XKR9: variants seen among roughly 807,000 people sequenced by gnomAD.
XKR9 encodes XK related 9.
XKR9 carries 32 observed loss-of-function variants against 32.0 expected under a neutral mutation model. The ratio of observed to expected loss-of-function variants is 1.00; its 90% CI spans 0.76 to 1.34. The LOEUF is 1.34. XKR9 is among the 40% of genes most tolerant of loss of function. XKR9 has a pLI of 0.00. For missense variants in XKR9, 546 were observed against 429.7 expected (o/e 1.27, Z -2.39); for synonymous variants, 168 against 143.4 (o/e 1.17, Z -1.22).
the XKR9 span, among the ~76,000 whole-genome samples, chr8:70,990,804 A>T: frequency 6.6e-6 from 1 of 151,990 alleles, no homozygotes; most frequent in Admixed American, 6.6e-5. Flanking sequence ...TGTGTATTTC[A>T]TGCATCCATC....
chr8:70,777,802 G>GT (rs541714804), intron 2 of XKR9, among the ~76,000 whole-genome samples: 3,310 of 150,482 alleles, frequency 0.022, 99 homozygotes, highest in African/African-American at 0.076. Context: ...TTTTGATGAG[G>GT]TTTTTTTTTC....
At chr8:70,931,788 C>A in the XKR9 span, among the ~76,000 whole-genome samples, 1 of 152,252 alleles carries the variant, frequency 6.6e-6, no homozygotes, top group South Asian at 2.1e-4. Context: ...TCCCAGACTC[C>A]TGTAAACAAC....
chr8:70,823,524 A>G, the XKR9 span, among the ~76,000 whole-genome samples: 322 of 152,306 alleles, frequency 2.1e-3, no homozygotes, highest in African/African-American at 7.1e-3. Context: ...TTCTATTACC[A>G]ACTACTACTT....
the XKR9 span, among the ~76,000 whole-genome samples, chr8:71,005,472 C>A: frequency 3.9e-5 from 6 of 152,004 alleles, no homozygotes; most frequent in Non-Finnish European, 8.8e-5. Flanking sequence ...GATTCACCTG[C>A]CTCAGCTTCC....
At chr8:70,721,755 G>A in intron 4 of XKR9, among the ~76,000 whole-genome samples, 1 of 152,178 alleles carries the variant, frequency 6.6e-6, no homozygotes. Flanking sequence ...GTGCTGTGTG[G>A]TGCTGAGAAG....
At chr8:70,718,529 TTC>T (rs1469623560) in intron 4 of XKR9, among the ~76,000 whole-genome samples, 1 of 152,134 alleles carries the variant, frequency 6.6e-6, no homozygotes, top group Non-Finnish European at 1.5e-5. Flanking sequence ...TGTCCATGTG[TTC>T]TCTTTGTTCA....
At chr8:70,750,121 C>T (rs912660957) in intron 2 of XKR9, among the ~76,000 whole-genome samples, 1 of 151,856 alleles carries the variant, frequency 6.6e-6, no homozygotes, top group Non-Finnish European at 1.5e-5. Flanking sequence ...ACTATAGAGC[C>T]CCTTTAGTTA....
chr8:71,026,257 TC>T, the XKR9 span, among the ~76,000 whole-genome samples: 3 of 152,228 alleles, frequency 2.0e-5, no homozygotes, highest in Non-Finnish European at 4.4e-5. Context: ...TTATTGGCTT[TC>T]CCCTGTTCCT....
At chr8:70,736,239 T>G (rs534994741), downstream of XKR9, among the ~76,000 whole-genome samples, 1 of 152,296 alleles carries the variant, frequency 6.6e-6, no homozygotes, top group African/African-American at 2.4e-5. Context: ...TTTTCATGTG[T>G]TTTTTGGTTG....
intron 2 of XKR9, among the ~76,000 whole-genome samples, chr8:70,748,507 C>T (rs1237322809): frequency 2.0e-5 from 3 of 152,248 alleles, no homozygotes; most frequent in Non-Finnish European, 2.9e-5. Flanking sequence ...CCCCCTGCAA[C>T]CTTGGCTCCC....
chr8:71,014,372 A>C, the XKR9 span, among the ~76,000 whole-genome samples: 1 of 152,144 alleles, frequency 6.6e-6, no homozygotes, highest in African/African-American at 2.4e-5. Flanking sequence ...GTCTGAAATC[A>C]AGGTGTTAGC....
At chr8:70,939,314 C>G in the XKR9 span, among the ~76,000 whole-genome samples, 2 of 152,008 alleles carry the variant, frequency 1.3e-5, no homozygotes, top group Non-Finnish European at 2.9e-5. Context: ...TGGGTGCCAG[C>G]TTTTATGGAG....
the XKR9 span, among the ~76,000 whole-genome samples, chr8:70,805,965 CAGG>C: frequency 2.0e-5 from 3 of 152,172 alleles, no homozygotes; most frequent in Non-Finnish European, 4.4e-5. Context: ...GACCTTCCAA[CAGG>C]AGTTGTCTGT....
intron 2 of XKR9, among the ~76,000 whole-genome samples, chr8:70,675,567 A>G (rs1458049520): frequency 6.6e-6 from 1 of 152,202 alleles, no homozygotes; most frequent in Non-Finnish European, 1.5e-5. Context: ...ATCTGGGCAT[A>G]GGTTGTTAGA....
Position 70,700,985 on chromosome 8 carries a change from C to T in XKR9, c.273-5948C>T, listed in dbSNP as rs571448244. Among the ~76,000 whole-genome samples, 832 of 152,304 alleles carry T rather than the reference C, an allele frequency of 5.5e-3. 11 individuals are homozygous for T. Among genetic ancestry groups the T allele is most frequent in the African/African-American group, 0.019 (791 of 41,566 alleles). On this transcript the variant is annotated intron_variant, in intron 3 of 4. Coordinates refer to ENST00000408926, the MANE Select transcript of XKR9 (RefSeq NM_001011720.2). The stretch of plus-strand genomic sequence containing the variant: ...AGACTCCGTGGGGCGTAGGACCCTC[C>T]GAGCCAGGTGTGGGATATAATCTGC...
rs1232270679 is a variant in XKR9, at chr8:70,690,989, A to C, written c.272+9659A>C. Reference sequence around the variant, plus strand: ...TTTTAACTCTTTGAGGAATTGTCATACAGTTCCTCAATGGTTGAACTAATT... The same window carrying C: ...TTTTAACTCTTTGAGGAATTGTCATCCAGTTCCTCAATGGTTGAACTAATT... On this transcript the variant is annotated intron_variant, in intron 3 of 4. Transcript: ENST00000408926. Among the ~76,000 whole-genome samples, 3 of 152,154 alleles carry C rather than the reference A, an allele frequency of 2.0e-5. No individual in the cohort carries two copies. The East Asian group carries it at 5.8e-4, about 29-fold the overall frequency.
chr8:70,833,713 T>C, the XKR9 span, among the ~76,000 whole-genome samples: 1 of 152,186 alleles, frequency 6.6e-6, no homozygotes, highest in Non-Finnish European at 1.5e-5. Context: ...CTGGCATCTA[T>C]ATTTTAAAAA....
the XKR9 span, among the ~76,000 whole-genome samples, chr8:70,899,181 G>C: frequency 1.3e-5 from 2 of 152,040 alleles, no homozygotes; most frequent in Non-Finnish European, 2.9e-5. Context: ...TTTGTCTTCG[G>C]TGTAAGGCAT....
At chr8:70,889,776 A>G in the XKR9 span, among the ~76,000 whole-genome samples, 4 of 151,952 alleles carry the variant, frequency 2.6e-5, no homozygotes, top group Admixed American at 6.6e-5. Flanking sequence ...GCTGTGTAGT[A>G]TTCCGTGGTG....
Sources: allele counts gnomAD v4.1 joint callset (sites outside exome capture counted in the v4.1 genomes callset), GRCh38; gene constraint gnomAD v4.1.1; transcripts MANE v1.5; gene names NCBI Gene and HGNC (gene_info 2026-07-23, HGNC 2026-07-21).